The following ZNF775 variants were observed in gnomAD, a reference collection of about 807,000 sequenced individuals.
ZNF775 encodes zinc finger protein 775.
In ZNF775, 1 loss-of-function variant was observed where a neutral mutation model predicts 2.4. That is an observed-to-expected ratio of 0.41 (90% CI 0.15 to 1.94). ZNF775 has a LOEUF of 1.94. Among genes scored for constraint, ZNF775 ranks in the 30% most tolerant of loss-of-function variants. ZNF775 has a pLI of 0.30. For synonymous variants in ZNF775, 381 were observed against 373.3 expected, an observed-to-expected ratio of 1.02 and a Z score of -0.24; for missense variants, 823 against 826.6, an observed-to-expected ratio of 1.00 and a Z score of 0.05.
intron 1 of ZNF775, 74 bp from the exon 2 acceptor site, chr7:150,388,347 AG>A: frequency 8.8e-7 from 1 of 1,138,788 alleles, no homozygotes; most frequent in South Asian, 1.4e-5. Context: ...ATGGGATGGG[AG>A]GGGGGCTGGG....
Position 150,397,427 on chromosome 7 carries a change from C to G in ZNF775, c.946C>G (p.Arg316Gly). 1 of 1,596,214 alleles carries G rather than the reference C, an allele frequency of 6.3e-7. No individual in the cohort carries two copies. Among genetic ancestry groups the G allele is most frequent in the Non-Finnish European group, 8.5e-7 (1 of 1,175,024 alleles). The change falls in exon 3 of 3, where the codon CGC becomes GGC. Residue 316 changes from arginine to glycine, a missense_variant. Arg to Gly is a moderately radical substitution (Grantham distance 125, BLOSUM62 -2). Coordinates refer to ENST00000329630, the MANE Select transcript of ZNF775 (RefSeq NM_173680.4). ...ERPYACPECG[R>G]RFSQKPNLTR... Reference sequence around the variant, plus strand: ...CCCCTATGCGTGCCCCGAGTGCGGCCGCCGCTTCAGCCAGAAGCCCAACTT... The same window carrying G: ...CCCCTATGCGTGCCCCGAGTGCGGCGGCCGCTTCAGCCAGAAGCCCAACTT...
chr7:150,379,942 G>GT (rs1411624540), intron 1 of ZNF775: 1 of 152,292 alleles, frequency 6.6e-6, no homozygotes, highest in Non-Finnish European at 1.5e-5. Flanking sequence ...AGTGTGTGGT[G>GT]TCGGGTGTGG....
Position 150,397,822 on chromosome 7 carries a change from C to T in ZNF775, c.1341C>T (p.Ile447=). 2 of 1,596,782 alleles carry T rather than the reference C, an allele frequency of 1.3e-6. No individual in the cohort carries two copies. The highest frequency in any genetic ancestry group is 1.7e-6 in the Non-Finnish European group (2 of 1,175,444). Residue 447 remains isoleucine, a synonymous_variant, in exon 3 of 3, where the codon ATC becomes ATT. Transcript: ENST00000329630. The stretch of plus-strand genomic sequence containing the variant: ...GGCCTGGCGAGCCGCGCCAGTTCAT[C>T]TGCAACGAGTGCGGCAAGAGCTTCT... ...LAGPGEPRQF[I]CNECGKSFSW...
Position 150,389,629 on chromosome 7 carries a change from C to G in ZNF775, c.31+1128C>G, listed in dbSNP as rs536975575. On this transcript the variant is annotated intron_variant, in intron 2 of 2. Transcript: ENST00000329630. ...GATCCTGAGTCACTGTGAGGTTGCT[C>G]TGGTTGATGTGAGCTGTGGTCTGCT... Among the ~76,000 whole-genome samples the G allele has an allele frequency of 2.0e-5, 3 of 152,302 alleles. No individual in the cohort carries two copies. The South Asian group carries it at 6.2e-4, about 32-fold the overall frequency.
At chr7:150,394,242 T>C (rs1205849229) in intron 2 of ZNF775, among the ~76,000 whole-genome samples, 2 of 152,240 alleles carry the variant, frequency 1.3e-5, no homozygotes, top group Admixed American at 1.3e-4. Context: ...TTTGTATATG[T>C]TTTGCATGTT....
rs867083633 is a variant in ZNF775, at chr7:150,396,919, G to A, written c.438G>A (p.Gln146=). ...GCAAGTGCGGCAAGAGCTTCAGCCA[G>A]AAGCCGAACCTGGCGCGCCACCAGC... is the stretch of plus-strand genomic sequence containing the variant. The part of the protein sequence containing the change: ...LCGKCGKSFS[Q]KPNLARHQRH... The change falls in exon 3 of 3, where the codon CAG becomes CAA. Residue 146 remains glutamine, a synonymous_variant. Coordinates refer to ENST00000329630, the MANE Select transcript of ZNF775 (RefSeq NM_173680.4). 1.2e-6 allele frequency: 2 copies of A among 1,602,148 alleles called. No individual in the cohort carries two copies. Among genetic ancestry groups the A allele is most frequent in the Middle Eastern group, 3.3e-4 (2 of 6,060 alleles).
chr7:150,398,053 C>T lies in ZNF775; in HGVS notation c.1572C>T (p.His524=), dbSNP rs1012587187. 24 of 1,566,476 alleles carry T rather than the reference C, an allele frequency of 1.5e-5. No homozygotes were observed. The highest frequency in any genetic ancestry group is 3.7e-5 in the Admixed American group (2 of 54,694). Reference sequence around the variant, plus strand: ...ACCTGCTCAAGCACCAGCGCGTGCACCGCGCGGCCCCTGCGTGCAGCCCCA... The same window carrying T: ...ACCTGCTCAAGCACCAGCGCGTGCATCGCGCGGCCCCTGCGTGCAGCCCCA... The part of the protein sequence containing the change: ...KQHLLKHQRV[H]RAAPACSPKE... The change falls in exon 3 of 3, where the codon CAC becomes CAT. Residue 524 remains histidine (H), a synonymous_variant. Coordinates refer to ENST00000329630, the MANE Select transcript of ZNF775 (RefSeq NM_173680.4).
chr7:150,387,260 A>G (rs1800468248), intron 1 of ZNF775, among the ~76,000 whole-genome samples: 1 of 122,092 alleles, frequency 8.2e-6, no homozygotes, highest in African/African-American at 3.1e-5. Flanking sequence ...GGGCCACTAC[A>G]CTCTCAGCCT....
At chr7:150,392,325 T>C (rs886909727) in intron 2 of ZNF775, among the ~76,000 whole-genome samples, 6 of 152,216 alleles carry the variant, frequency 3.9e-5, no homozygotes, top group Non-Finnish European at 7.3e-5. Flanking sequence ...GTATCATGTA[T>C]CAAACAATAC....
intron 1 of ZNF775, 90 bp from the exon 2 acceptor site, chr7:150,388,332 G>T: frequency 1.0e-6 from 1 of 974,310 alleles, no homozygotes; most frequent in Non-Finnish European, 1.6e-6. Flanking sequence ...AAAAGAGAGT[G>T]CTTTATGGGA....
rs1800680054 is a variant in ZNF775 at position 150,397,156 on chromosome 7, C to CGAGCTGATTCAGGACGCGGCG, written c.677_697dup (p.Glu226_Ala232dup). On this transcript the variant is annotated inframe_insertion, in exon 3 of 3. Coordinates refer to ENST00000329630, the MANE Select transcript of ZNF775 (RefSeq NM_173680.4). ...GCCAGGGCTCCCGCGCCGGCCTGCA[C>CGAGCTGATTCAGGACGCGGCG]GAGCTGATTCAGGACGCGGCGGCGC... 2 of 1,445,514 alleles carry CGAGCTGATTCAGGACGCGGCG rather than the reference C, an allele frequency of 1.4e-6. No homozygotes were observed. Among genetic ancestry groups the CGAGCTGATTCAGGACGCGGCG allele is most frequent in the African/African-American group, 3.0e-5 (2 of 66,172 alleles). 89.5% of individuals were successfully genotyped at this position (1,445,514 alleles called of 1,614,324 possible).
intron 2 of ZNF775, among the ~76,000 whole-genome samples, chr7:150,390,128 T>C (rs1800536262): frequency 6.6e-6 from 1 of 152,066 alleles, no homozygotes; most frequent in Non-Finnish European, 1.5e-5. Flanking sequence ...ACATGATCCT[T>C]TTCATGATGA....
Position 150,397,353 on chromosome 7 carries a change from C to A in ZNF775, c.872C>A (p.Thr291Asn). The change falls in exon 3 of 3, where the codon ACC becomes AAC. Residue 291 changes from threonine to asparagine, a missense_variant. Coordinates refer to ENST00000329630, the MANE Select transcript of ZNF775 (RefSeq NM_173680.4). ...FICNECGKSF[T>N]WWSSLNIHQR... Reference sequence around the variant, plus strand: ...TGCAACGAGTGTGGCAAGAGCTTCACCTGGTGGTCGTCGCTGAACATCCAC... The same window carrying A: ...TGCAACGAGTGTGGCAAGAGCTTCAACTGGTGGTCGTCGCTGAACATCCAC... The A allele has an allele frequency of 6.3e-7, 1 of 1,593,762 alleles. No homozygotes were observed. The highest frequency in any genetic ancestry group is 1.1e-5 in the South Asian group (1 of 90,736).
At chr7:150,387,568 C>T (rs1800475504) in intron 1 of ZNF775, among the ~76,000 whole-genome samples, 1 of 152,302 alleles carries the variant, frequency 6.6e-6, no homozygotes, top group East Asian at 1.9e-4. Flanking sequence ...AATCCCAGCA[C>T]TTCAGGAGAC....
chr7:150,393,621 T>G (rs1266659828), intron 2 of ZNF775, among the ~76,000 whole-genome samples: 1 of 152,262 alleles, frequency 6.6e-6, no homozygotes. Flanking sequence ...AGCCTCACTG[T>G]GTGCACATGC....
Position 150,394,853 on chromosome 7 carries a change from T to C in ZNF775, c.32-1660T>C, listed in dbSNP as rs532382134. ...GGAAAATCTCAGCAAGGTTAGGGTA[T>C]GTTATTATTTTGATACCACTGAAGT... On this transcript the variant is annotated intron_variant, in intron 2 of 2. Transcript: ENST00000329630. Among the ~76,000 whole-genome samples the C allele has an allele frequency of 1.1e-4, 17 of 152,342 alleles. No homozygotes were observed. The East Asian group carries it at 3.1e-3, about 28-fold the overall frequency.
intron 2 of ZNF775, among the ~76,000 whole-genome samples, chr7:150,394,795 A>G (rs560671751): frequency 2.1e-4 from 32 of 152,044 alleles, no homozygotes; most frequent in South Asian, 1.2e-3. Context: ...AGGTAATGTT[A>G]TAAATTATAT....
intron 2 of ZNF775, among the ~76,000 whole-genome samples, chr7:150,393,028 G>A (rs1179371972): frequency 2.6e-5 from 4 of 151,986 alleles, no homozygotes; most frequent in Admixed American, 2.0e-4. Flanking sequence ...GTTCTCTTTT[G>A]GTCTTGTACC....
At position 150,397,576 on chromosome 7, in the gene ZNF775, T is replaced by A; in HGVS notation, c.1095T>A (p.Ala365=). Residue 365 remains alanine, a synonymous_variant, in exon 3 of 3, where the codon GCT becomes GCA. Coordinates refer to ENST00000329630, the MANE Select transcript of ZNF775 (RefSeq NM_173680.4). The part of the protein sequence containing the change: ...HLRTHLPGAQ[A]APCPSCGKSC... ...GCACGCACCTGCCCGGCGCCCAGGC[T>A]GCGCCCTGCCCCAGCTGCGGTAAGA... The A allele has an allele frequency of 6.7e-7, 1 of 1,494,224 alleles. No homozygotes were observed. Among genetic ancestry groups the A allele is most frequent in the East Asian group, 2.7e-5 (1 of 36,440 alleles). 92.6% of individuals were successfully genotyped at this position (1,494,224 alleles called of 1,614,324 possible). A position where few individuals can be genotyped will look rare whatever the true frequency, so the allele number is the denominator to read the frequency against.
Sources: allele counts gnomAD v4.1 joint callset (sites outside exome capture counted in the v4.1 genomes callset), GRCh38; gene constraint gnomAD v4.1.1; transcripts MANE v1.5; gene names NCBI Gene and HGNC (gene_info 2026-07-23, HGNC 2026-07-21).